PTPRD: variants seen among roughly 807,000 people sequenced by gnomAD.
PTPRD encodes the protein receptor-type tyrosine-protein phosphatase delta.
Under a neutral mutation model 214.5 loss-of-function variants are expected in PTPRD, and 34 were observed. The observed-to-expected ratio is 0.16, with a 90% CI of 0.12 to 0.21. PTPRD has a LOEUF of 0.21. Among genes scored for constraint, PTPRD ranks in the 10% least tolerant of loss-of-function variants. The pLI is 1.00. For synonymous variants in PTPRD, 1,128 were observed against 845.7 expected (o/e 1.33, Z -5.79); for missense variants, 2,545 against 2,398.7 (o/e 1.06, Z -1.27).
At chr9:8,922,039 A>C (rs1323275376) in intron 11 of PTPRD, among the ~76,000 whole-genome samples, 1 of 149,110 alleles carries the variant, frequency 6.7e-6, no homozygotes, top group Non-Finnish European at 1.5e-5. Context: ...GCTAGTGAGA[A>C]GGGATTAGTG....
chr9:9,754,094 T>C (rs1237890086), intron 6 of PTPRD, among the ~76,000 whole-genome samples: 2 of 152,084 alleles, frequency 1.3e-5, no homozygotes, highest in Non-Finnish European at 2.9e-5. Flanking sequence ...ACATATTAAA[T>C]ATTAAATATG....
intron 10 of PTPRD, among the ~76,000 whole-genome samples, chr9:9,060,647 A>T (rs1247528990): frequency 6.6e-6 from 1 of 152,126 alleles, no homozygotes; most frequent in Non-Finnish European, 1.5e-5. Flanking sequence ...GGAATAACTT[A>T]GAAAAAAGCC....
intron 14 of PTPRD, among the ~76,000 whole-genome samples, chr9:8,536,351 G>A (rs1211274337): frequency 6.6e-6 from 1 of 151,720 alleles, no homozygotes; most frequent in Non-Finnish European, 1.5e-5. Context: ...TCCATGAGAT[G>A]TAATAATACT....
At chr9:10,119,803 T>C (rs1370988199) in intron 3 of PTPRD, among the ~76,000 whole-genome samples, 2 of 152,066 alleles carry the variant, frequency 1.3e-5, no homozygotes, top group East Asian at 1.9e-4. Flanking sequence ...ATTAGTTATC[T>C]ACAATGTACA....
Position 10,112,328 on chromosome 9 carries a change from G to A in PTPRD, c.-544-78538C>T, listed in dbSNP as rs146689783. On this transcript the variant is annotated intron_variant, in intron 3 of 45. Coordinates refer to ENST00000381196, the MANE Select transcript of PTPRD (RefSeq NM_002839.4). ...ATCTTATCCATGGAGTTAATAGGAG[G>A]CTCATTAGTGACAGATACTCTGTGT... 4.5e-3 allele frequency among the ~76,000 whole-genome samples: 689 copies of A among 152,282 alleles called. 5 individuals carry two copies. The highest frequency in any genetic ancestry group is 0.015 in the African/African-American group (644 of 41,560).
intron 9 of PTPRD, among the ~76,000 whole-genome samples, chr9:9,382,466 C>T (rs886502190): frequency 1.3e-5 from 2 of 152,040 alleles, no homozygotes; most frequent in East Asian, 3.9e-4. Context: ...TAAGAATCTC[C>T]TACAACTAAA....
intron 4 of PTPRD, among the ~76,000 whole-genome samples, chr9:9,979,170 T>C (rs529156416): frequency 9.2e-5 from 14 of 152,050 alleles, no homozygotes; most frequent in Non-Finnish European, 5.9e-5. Context: ...ATATGGGACA[T>C]AAACTTAGAT....
intron 3 of PTPRD, among the ~76,000 whole-genome samples, chr9:10,063,148 T>C (rs368297): frequency 0.21 from 32,160 of 151,990 alleles, 8,288 homozygotes; most frequent in African/African-American, 0.62. Context: ...TACACTAATA[T>C]GTTATTCTAT....
At chr9:8,363,961 T>C (rs559257801) in intron 39 of PTPRD, among the ~76,000 whole-genome samples, 23 of 152,390 alleles carry the variant, frequency 1.5e-4, no homozygotes, top group African/African-American at 5.0e-4. Flanking sequence ...GCTGTACTTA[T>C]GTTAGAAACA....
chr9:8,572,269 C>A (rs554837954), intron 14 of PTPRD, among the ~76,000 whole-genome samples: 1 of 152,148 alleles, frequency 6.6e-6, no homozygotes, highest in South Asian at 2.1e-4. Flanking sequence ...AGAATATAGC[C>A]TCCAAGGACT....
chr9:10,598,983 C>T (rs2077314032), intron 2 of PTPRD, among the ~76,000 whole-genome samples: 1 of 151,610 alleles, frequency 6.6e-6, no homozygotes, highest in Non-Finnish European at 1.5e-5. Flanking sequence ...CAAATTTTAG[C>T]TAGGTACACA....
At chr9:10,316,113 CTA>C (rs3076319) in intron 3 of PTPRD, among the ~76,000 whole-genome samples, 37,654 of 142,682 alleles carry the variant, frequency 0.26, 5,865 homozygotes, top group African/African-American at 0.45. Flanking sequence ...GTGTATGTGT[CTA>C]TATATATATA....
chr9:8,941,179 A>T (rs191618284), intron 11 of PTPRD, among the ~76,000 whole-genome samples: 35 of 152,342 alleles, frequency 2.3e-4, no homozygotes, highest in Admixed American at 2.1e-3. Flanking sequence ...AAGTTTAAAA[A>T]GTAAAATAAA....
chr9:10,302,527 G>T (rs998708054), intron 3 of PTPRD, among the ~76,000 whole-genome samples: 1 of 152,140 alleles, frequency 6.6e-6, no homozygotes, highest in Non-Finnish European at 1.5e-5. Flanking sequence ...CCCATCTCAC[G>T]TGCAAAGACA....
intron 12 of PTPRD, among the ~76,000 whole-genome samples, chr9:8,637,910 G>C (rs1025004424): frequency 3.9e-5 from 6 of 151,924 alleles, no homozygotes; most frequent in African/African-American, 1.5e-4. Flanking sequence ...TTATATGTGG[G>C]GATAGCAGAT....
chr9:8,331,997 T>A (rs1841837143), intron 43 of PTPRD, among the ~76,000 whole-genome samples: 1 of 152,106 alleles, frequency 6.6e-6, no homozygotes, highest in Admixed American at 6.6e-5. Flanking sequence ...AAAAACCTGG[T>A]TCTCGTTAGT....
intron 4 of PTPRD, among the ~76,000 whole-genome samples, chr9:10,018,046 C>A (rs73641807): frequency 0.15 from 22,188 of 151,880 alleles, 1,894 homozygotes; most frequent in African/African-American, 0.22. Context: ...TATTTATTGT[C>A]TTTTTCTGAC....
At chr9:9,456,023 G>C (rs966115510) in intron 8 of PTPRD, among the ~76,000 whole-genome samples, 2 of 151,784 alleles carry the variant, frequency 1.3e-5, no homozygotes, top group African/African-American at 2.4e-5. Context: ...TGTTGCCAAA[G>C]TTAAATTGGC....
intron 10 of PTPRD, among the ~76,000 whole-genome samples, chr9:9,149,868 C>T (rs2099875168): frequency 1.3e-5 from 2 of 152,178 alleles, no homozygotes; most frequent in African/African-American, 2.4e-5. Context: ...AATGCCTGAC[C>T]TTAGTCTGCA....
Sources: allele counts gnomAD v4.1 joint callset (sites outside exome capture counted in the v4.1 genomes callset), GRCh38; gene constraint gnomAD v4.1.1; transcripts MANE v1.5; gene names NCBI Gene and HGNC (gene_info 2026-07-23, HGNC 2026-07-21).